ECSCR: variants seen among roughly 807,000 people sequenced by gnomAD.
ECSCR encodes endothelial cell-specific chemotaxis regulator.
A neutral mutation model predicts 16.7 loss-of-function variants in ECSCR; 12 were observed. That is an observed-to-expected ratio of 0.72 (90% CI 0.46 to 1.17). The LOEUF (loss-of-function observed/expected upper bound fraction) is 1.17, where lower values mean the gene tolerates loss of function less well. Among genes scored for constraint, ECSCR ranks in the 50% most tolerant of loss-of-function variants. The pLI, the probability that ECSCR is intolerant of heterozygous loss-of-function variation, is 0.00. For synonymous variants in ECSCR, 44 were observed against 42.2 expected, an observed-to-expected ratio of 1.04 and a Z score of -0.17; for missense variants, 122 against 116.1, an observed-to-expected ratio of 1.05 and a Z score of -0.23.
At position 139,448,924 on chromosome 5, in the gene ECSCR, A is replaced by C. The variant is rs1424438906; in HGVS notation, c.610-16T>G. The C allele has an allele frequency of 5.9e-6, 9 of 1,537,158 alleles. No individual in the cohort carries two copies. Among genetic ancestry groups the C allele is most frequent in the Non-Finnish European group, 7.8e-6 (9 of 1,146,914 alleles). On this transcript the variant is annotated splice_polypyrimidine_tract_variant and intron_variant, in intron 9 of 9. Coordinates refer to ENST00000618155, the MANE Select transcript of ECSCR (RefSeq NM_001077693.4). ...TTTAAAGAACCTGCAAAATAAATGC[A>C]TAATGGGGAAGGGTGAACTTTTTAG...
At chr5:139,461,269 G>A (rs1200215139) in intron 1 of ECSCR, among the ~76,000 whole-genome samples, 1 of 152,164 alleles carries the variant, frequency 6.6e-6, no homozygotes, top group East Asian at 1.9e-4. Flanking sequence ...CTCAATGAAG[G>A]CCAGACACTT....
At chr5:139,451,592 C>T (rs1751050452) in intron 8 of ECSCR, among the ~76,000 whole-genome samples, 1 of 111,602 alleles carries the variant, frequency 9.0e-6, no homozygotes, top group Non-Finnish European at 1.9e-5. Context: ...TGTGTGGTGT[C>T]TGTGTGTATG....
Position 139,448,580 on chromosome 5 carries a change from T to TA in ECSCR, c.*319dup, listed in dbSNP as rs1561473797. The TA allele has an allele frequency of 2.1e-6, 1 of 473,714 alleles. No individual in the cohort carries two copies. Among genetic ancestry groups the TA allele is most frequent in the East Asian group, 4.8e-5 (1 of 20,786 alleles). The allele number at this position is 473,714 out of a possible 1,614,324, so 29.3% of individuals were successfully genotyped here. A position where few individuals can be genotyped will look rare whatever the true frequency, so the allele number is the denominator to read the frequency against. On this transcript the variant is annotated 3_prime_UTR_variant, in exon 10 of 10. Coordinates refer to ENST00000618155, the MANE Select transcript of ECSCR (RefSeq NM_001077693.4). ...TAGACTGCAGGCTAGAAAATAATTT[T>TA]AATGCAAAGTAGAAAGTATCAATCC...
At chr5:139,461,144 T>C (rs1435553785) in intron 1 of ECSCR, among the ~76,000 whole-genome samples, 7 of 152,104 alleles carry the variant, frequency 4.6e-5, no homozygotes, top group Non-Finnish European at 1.0e-4. Flanking sequence ...GCCTGCGCAA[T>C]GGAGCAACCC....
At chr5:139,454,356 T>C (rs1222802212) in intron 8 of ECSCR, among the ~76,000 whole-genome samples, 1 of 139,054 alleles carries the variant, frequency 7.2e-6, no homozygotes, top group Non-Finnish European at 1.6e-5. Flanking sequence ...GTAATGTGTG[T>C]GGTGTGTGGT....
chr5:139,455,261 GT>G, intron 6 of ECSCR, 61 bp downstream of exon 6: 1 of 397,730 alleles, frequency 2.5e-6, no homozygotes, highest in East Asian at 3.6e-5. Context: ...CAGACCCAGA[GT>G]CCAAGTTAAT....
chr5:139,449,311 G>A lies in ECSCR; in HGVS notation c.513-137C>T, dbSNP rs187668113. On this transcript the variant is annotated intron_variant, in intron 8 of 9. Coordinates refer to ENST00000618155, the MANE Select transcript of ECSCR (RefSeq NM_001077693.4). ...TTGGTGGTGGATCATGATGAAATGC[G>A]AGTGTGCTTTGAAGACCGAAAGACT... 3.2e-3 allele frequency: 2,118 copies of A among 656,714 alleles called. 9 individuals carry two copies. The highest frequency in any genetic ancestry group is 4.4e-3 in the Non-Finnish European group (1,660 of 375,524). The allele number at this position is 656,714 out of a possible 1,614,324, so 40.7% of individuals were successfully genotyped here.
chr5:139,452,505 T>TA (rs2152088595), intron 8 of ECSCR, among the ~76,000 whole-genome samples: 2 of 356 alleles, frequency 5.6e-3, no homozygotes, highest in East Asian at 0.036. Flanking sequence ...GTTTGTGATG[T>TA]GTGTGGGGAG....
At chr5:139,456,733 C>T (rs1216426252) in intron 4 of ECSCR, among the ~76,000 whole-genome samples, 3 of 152,224 alleles carry the variant, frequency 2.0e-5, no homozygotes, top group Non-Finnish European at 4.4e-5. Flanking sequence ...CTGTTACCTT[C>T]GTTGTGACCA....
rs752425351 is a variant in ECSCR at position 139,457,559 on chromosome 5, C to A, written c.203G>T (p.Ser68Ile). The change falls in exon 4 of 10, where the codon AGC (serine) becomes ATC (isoleucine). Residue 68 changes from serine (S) to isoleucine (I), a missense_variant. Coordinates refer to ENST00000618155, the MANE Select transcript of ECSCR (RefSeq NM_001077693.4). ...SEANRPSHLS[S>I]TGTPGAGVPS... The stretch of plus-strand genomic sequence containing the variant: ...TGACACAGTACCTGGGGTACCAGTG[C>A]TGGACAGATGGCTTGGCCTGTTAGC... 1.3e-6 allele frequency: 1 copy of A among 792,040 alleles called. No individual in the cohort carries two copies. Among genetic ancestry groups the A allele is most frequent in the East Asian group, 2.4e-5 (1 of 41,292 alleles). 49.1% of individuals were successfully genotyped at this position (792,040 alleles called of 1,614,324 possible).
rs1465480015 is a variant in ECSCR at position 139,456,888 on chromosome 5, C to CT, written c.218-371_218-370insA. On this transcript the variant is annotated intron_variant, in intron 4 of 9. Transcript: ENST00000618155. ...GGAACCCAGTGTTTTTCACCGCTGC[C>CT]CCCCGCCCTGGGCACTCAACAAGTC... Among the ~76,000 whole-genome samples the CT allele has an allele frequency of 3.5e-4, 54 of 152,318 alleles. No individual in the cohort carries two copies. The East Asian group carries it at 7.7e-3, about 22-fold the overall frequency.
intron 8 of ECSCR, among the ~76,000 whole-genome samples, chr5:139,454,143 T>G (rs1444708305): frequency 1.6e-5 from 2 of 122,962 alleles, no homozygotes; most frequent in African/African-American, 6.4e-5. Flanking sequence ...GTCTGATGAG[T>G]GGGGTGTGTG....
chr5:139,458,500 C>CAAAAAAAAAAA (rs397882364), intron 1 of ECSCR, among the ~76,000 whole-genome samples: 14 of 85,358 alleles, frequency 1.6e-4, no homozygotes, highest in African/African-American at 3.8e-4. Flanking sequence ...CCTATCTCAA[C>CAAAAAAAAAAA]AAAAAAAAAA....
chr5:139,458,289 A>G lies in ECSCR; in HGVS notation c.62-106T>C, dbSNP rs879786751. The G allele has an allele frequency of 1.7e-5, 18 of 1,083,444 alleles. 1 individual carries two copies. Among genetic ancestry groups the G allele is most frequent in the Non-Finnish European group, 2.3e-5 (17 of 750,690 alleles). The allele number at this position is 1,083,444 out of a possible 1,614,324, so 67.1% of individuals were successfully genotyped here. A position where few individuals can be genotyped will look rare whatever the true frequency, so the allele number is the denominator to read the frequency against. On this transcript the variant is annotated intron_variant, in intron 1 of 9. Transcript: ENST00000618155. ...CTGGCCCAGCCTGGGCAACATAGCA[A>G]GACCCTGTCTCTAAAAAAAAATTTT...
chr5:139,449,623 G>A (rs1056455708), intron 8 of ECSCR, among the ~76,000 whole-genome samples: 2 of 152,100 alleles, frequency 1.3e-5, no homozygotes, highest in African/African-American at 4.8e-5. Flanking sequence ...ACAGGTGTGA[G>A]CCACTGCACC....
At chr5:139,449,448 C>T (rs1332165081) in intron 8 of ECSCR, among the ~76,000 whole-genome samples, 2 of 152,150 alleles carry the variant, frequency 1.3e-5, no homozygotes, top group East Asian at 3.9e-4. Context: ...AGCGATTCTC[C>T]TGCCTCAGCC....
chr5:139,452,267 T>C (rs1581433298), intron 8 of ECSCR, among the ~76,000 whole-genome samples: 241 of 27,826 alleles, frequency 8.7e-3, no homozygotes, highest in Middle Eastern at 0.022. Context: ...GGTATATGTG[T>C]ATAGTGTGGG....
At chr5:139,459,277 G>C (rs1183043752) in intron 1 of ECSCR, among the ~76,000 whole-genome samples, 1 of 152,124 alleles carries the variant, frequency 6.6e-6, no homozygotes, top group Non-Finnish European at 1.5e-5. Context: ...ATGGGGATTA[G>C]GGCTTGTATC....
intron 5 of ECSCR, among the ~76,000 whole-genome samples, chr5:139,455,834 A>AG: frequency 6.7e-6 from 1 of 149,192 alleles, no homozygotes; most frequent in Admixed American, 6.6e-5. Context: ...AAAAAAAAAA[A>AG]AAAAAAAGAC....
Sources: gnomAD v4.1 joint callset for allele counts (sites outside exome capture counted in the v4.1 genomes callset) on GRCh38, gnomAD v4.1.1 for gene constraint, MANE v1.5 for transcripts, NCBI Gene and HGNC (gene_info 2026-07-23, HGNC 2026-07-21) for gene names.